Variants in AK9 observed in about 807,000 individuals in gnomAD.
AK9 encodes adenylate kinase 9.
AK9 carries 191 observed loss-of-function variants against 239.6 expected under a neutral mutation model. That is an observed-to-expected ratio of 0.80 (90% confidence interval 0.71 to 0.90). AK9 has a LOEUF of 0.90. AK9 is among the 40% of genes least tolerant of loss of function. The pLI is 0.00. For synonymous variants in AK9, 689 were observed against 721.0 expected, an observed-to-expected ratio of 0.96 and a Z score of 0.71; for missense variants, 1,995 against 2,214.7, an observed-to-expected ratio of 0.90 and a Z score of 1.99.
Position 109,672,110 on chromosome 6 carries a change from T to C in AK9, c.234+5A>G, listed in dbSNP as rs781021725. The C allele has an allele frequency of 6.2e-7, 1 of 1,613,314 alleles. No homozygotes were observed. The highest frequency in any genetic ancestry group is 8.5e-7 in the Non-Finnish European group (1 of 1,179,716). On this transcript the variant is annotated splice_donor_5th_base_variant and intron_variant, in intron 4 of 40. Coordinates refer to ENST00000424296, the MANE Select transcript of AK9 (RefSeq NM_001145128.3). ...ATAGTTACTTTGAAATTTAGGTTTG[T>C]TTACCATAACTCCTGATTCGGTTTC...
In AK9 at chr6:109,511,416, T is replaced by A. The variant is rs1387015923; in HGVS notation, c.4280-2036A>T. Among the ~76,000 whole-genome samples the A allele has an allele frequency of 2.0e-5, 3 of 152,220 alleles. No homozygotes were observed. The East Asian group carries it at 5.8e-4, about 29-fold the overall frequency. On this transcript the variant is annotated intron_variant, in intron 32 of 40. Coordinates refer to ENST00000424296, the MANE Select transcript of AK9 (RefSeq NM_001145128.3). ...GACTTTATTTGATATTTTTAACTAT[T>A]TCATCAGGTGGGTGGAATGGATATT...
chr6:109,584,119 T>C (rs1789188157), intron 19 of AK9, among the ~76,000 whole-genome samples: 1 of 152,144 alleles, frequency 6.6e-6, no homozygotes, highest in African/African-American at 2.4e-5. Flanking sequence ...TAACTAAATC[T>C]TACATATTTG....
At chr6:109,657,727 G>A (rs1562566281) in intron 7 of AK9, among the ~76,000 whole-genome samples, 1 of 152,056 alleles carries the variant, frequency 6.6e-6, no homozygotes, top group Non-Finnish European at 1.5e-5. Flanking sequence ...AGGCTCTGGT[G>A]TGTGATGTTC....
chr6:109,591,725 G>A (rs1279852422), intron 17 of AK9, among the ~76,000 whole-genome samples: 1 of 152,040 alleles, frequency 6.6e-6, no homozygotes, highest in African/African-American at 2.4e-5. Flanking sequence ...TTTGTTGTAG[G>A]TACAGTCTAG....
At position 109,633,194 on chromosome 6, in the gene AK9, A is replaced by C. The variant is rs780879889; in HGVS notation, c.1063T>G (p.Tyr355Asp). 5.0e-6 allele frequency: 8 copies of C among 1,591,412 alleles called. No homozygotes were observed. Among genetic ancestry groups the C allele is most frequent in the Non-Finnish European group, 6.8e-6 (8 of 1,174,224 alleles). The change falls in exon 11 of 41, where the codon TAT becomes GAT. Residue 355 changes from tyrosine to aspartate, a missense_variant. Physicochemically the swap from Tyr to Asp is radical, Grantham distance 160 (BLOSUM62 -3). Transcript: ENST00000424296. The part of the protein sequence containing the change: ...DGNIYSGLPD[Y>D]SVSFLGKIYC... ...GAAAATCTTACTTACCTCACAGAATAATCTGGTAATCCTGAATAAATGTTA... is the reference window on the plus strand; with the variant it reads ...GAAAATCTTACTTACCTCACAGAATCATCTGGTAATCCTGAATAAATGTTA...
rs918426673 is a variant in AK9, at chr6:109,613,668, G to A, written c.1609+515C>T. Among the ~76,000 whole-genome samples, 4 of 151,302 alleles carry A rather than the reference G, an allele frequency of 2.6e-5. No individual in the cohort carries two copies. In the South Asian group the frequency reaches 8.3e-4, roughly 31 times the overall value. ...AATGGTACATTATAAGTAAAAAAAT[G>A]TAAAAACAGTCTATATTATAGCTAT... On this transcript the variant is annotated intron_variant, in intron 15 of 40. Coordinates refer to ENST00000424296, the MANE Select transcript of AK9 (RefSeq NM_001145128.3).
chr6:109,614,398 T>A lies in AK9; in HGVS notation c.1482A>T (p.Ser494=). The A allele has an allele frequency of 5.2e-6, 8 of 1,551,266 alleles. No homozygotes were observed. The highest frequency in any genetic ancestry group is 6.1e-6 in the Non-Finnish European group (7 of 1,146,674). Residue 494 remains serine, a synonymous_variant, in exon 14 of 41, where the codon TCA becomes TCT. Coordinates refer to ENST00000424296, the MANE Select transcript of AK9 (RefSeq NM_001145128.3). ...ATATTTCTTTACCTTCTTCATCAAT[T>A]GATGAGTGTGTTGCCTCCATTGGGA... ...GVFPMEATHS[S]IDEEGYIQGS...
At chr6:109,505,926 A>T (rs942948646) in intron 35 of AK9, among the ~76,000 whole-genome samples, 2 of 152,168 alleles carry the variant, frequency 1.3e-5, no homozygotes, top group Non-Finnish European at 2.9e-5. Flanking sequence ...CAAATCTGGT[A>T]TCTGGAGAGG....
At chr6:109,681,907 C>A (rs539600700) in intron 1 of AK9, among the ~76,000 whole-genome samples, 1 of 152,096 alleles carries the variant, frequency 6.6e-6, no homozygotes, top group African/African-American at 2.4e-5. Context: ...GAAGACACAA[C>A]GTATGAGAAT....
chr6:109,514,215 T>C lies in AK9; in HGVS notation c.4279+9A>G. On this transcript the variant is annotated intron_variant, in intron 32 of 40. Transcript: ENST00000424296. ...TGCTTGAGGAAAACAAAGGCAAACA[T>C]ACGCTCACCTGTAGTTTTCCCAGAT... The C allele has an allele frequency of 6.5e-7, 1 of 1,542,910 alleles. No individual in the cohort carries two copies. The highest frequency in any genetic ancestry group is 2.4e-5 in the East Asian group (1 of 40,892).
chr6:109,512,785 A>G (rs761179724), intron 32 of AK9, among the ~76,000 whole-genome samples: 40 of 152,220 alleles, frequency 2.6e-4, no homozygotes, highest in Non-Finnish European at 5.3e-4. Flanking sequence ...TATTTACCTT[A>G]AAGTCCAAAG....
At chr6:109,560,611 C>T (rs1785629912) in intron 24 of AK9, among the ~76,000 whole-genome samples, 2 of 152,152 alleles carry the variant, frequency 1.3e-5, no homozygotes, top group African/African-American at 4.8e-5. Context: ...CCAAGATAAG[C>T]CCCACTTGGT....
chr6:109,649,417 T>C (rs1053850205), intron 8 of AK9, among the ~76,000 whole-genome samples: 27 of 152,048 alleles, frequency 1.8e-4, no homozygotes, highest in South Asian at 8.3e-4. Flanking sequence ...AATCAATGTA[T>C]AAAAATCACA....
chr6:109,507,293 C>T (rs557913051), intron 33 of AK9, among the ~76,000 whole-genome samples: 1 of 151,710 alleles, frequency 6.6e-6, no homozygotes, highest in Admixed American at 6.6e-5. Flanking sequence ...GGACCTGGTA[C>T]ATATTAGATG....
chr6:109,645,642 C>A (rs1437824202), intron 8 of AK9, among the ~76,000 whole-genome samples: 1 of 152,222 alleles, frequency 6.6e-6, no homozygotes, highest in Non-Finnish European at 1.5e-5. Context: ...CATAGCTGAA[C>A]AAAAGGCAGC....
intron 17 of AK9, among the ~76,000 whole-genome samples, chr6:109,597,478 C>A (rs1791196374): frequency 6.6e-6 from 1 of 152,086 alleles, no homozygotes; most frequent in Non-Finnish European, 1.5e-5. Flanking sequence ...CGAGACCATC[C>A]TGGCTAACAT....
chr6:109,622,021 G>A (rs1347127238), intron 12 of AK9, among the ~76,000 whole-genome samples: 1 of 142,982 alleles, frequency 7.0e-6, no homozygotes, highest in African/African-American at 2.6e-5. Context: ...CTAGTTTATA[G>A]TTGCAAAAAT....
intron 24 of AK9, chr6:109,550,600 T>C: frequency 4.7e-6 from 1 of 210,570 alleles, no homozygotes; most frequent in East Asian, 1.2e-4. Flanking sequence ...GTGTTGATGC[T>C]GGGTCATTGT....
rs757188361 is a variant in AK9 at position 109,506,494 on chromosome 6, TTTACA to T, written c.4677_4681del (p.Asn1559LysfsTer8). ...AATCTCACCAATATTTTTGCGATACTTTACATTATTGACAGCTACAATTTGTGCAC... is the reference window on the plus strand; with the variant it reads ...AATCTCACCAATATTTTTGCGATACTTTATTGACAGCTACAATTTGTGCAC... On this transcript the variant is annotated frameshift_variant, in exon 35 of 41. Transcript: ENST00000424296. LOFTEE classifies it high-confidence loss of function. The T allele has an allele frequency of 5.0e-6, 8 of 1,611,512 alleles. No individual in the cohort carries two copies. The South Asian group carries it at 6.6e-5, about 13-fold the overall frequency.
Sources: allele counts gnomAD v4.1 joint callset (sites outside exome capture counted in the v4.1 genomes callset), GRCh38; gene constraint gnomAD v4.1.1; transcripts MANE v1.5; gene names NCBI Gene and HGNC (gene_info 2026-07-23, HGNC 2026-07-21).